F8: variants seen among roughly 807,000 people sequenced by gnomAD.
The protein encoded by F8 is coagulation factor VIII.
Under a neutral mutation model 140.6 loss-of-function variants are expected in F8, and 12 were observed. That is an observed-to-expected ratio of 0.09 (90% confidence interval 0.05 to 0.14). The LOEUF is 0.14. Among genes scored for constraint, F8 ranks in the 10% least tolerant of loss-of-function variants. The probability of loss-of-function intolerance (pLI) is 1.00; values close to 1 mark genes in which losing one functional copy is unlikely to be tolerated. For missense variants in F8, 1,354 were observed against 1,720.7 expected (o/e 0.79, Z 3.77); for synonymous variants, 585 against 614.6 (o/e 0.95, Z 0.71).
chrX:155,014,032 G>A (rs1423324958), intron 1 of F8, among the ~76,000 whole-genome samples: 1 of 111,224 alleles, frequency 9.0e-6, no homozygotes, highest in Non-Finnish European at 1.9e-5. Context: ...AATTTGGGGT[G>A]GGGGGAGGTG....
At position 154,898,369 on chromosome X, in the gene F8, T is replaced by C. The variant is rs377283783; in HGVS notation, c.6273+1497A>G. Among the ~76,000 whole-genome samples, 14 of 112,421 alleles carry C rather than the reference T, an allele frequency of 1.2e-4. No homozygotes were observed. The East Asian group carries it at 3.3e-3, about 27-fold the overall frequency. On this transcript the variant is annotated intron_variant, in intron 21 of 25. Transcript: ENST00000360256. ...AAAACCACCTTGAAGATAAGGCGAT[T>C]CAATAGTGGTAGATGATAACATAAC...
intron 7 of F8, among the ~76,000 whole-genome samples, chrX:154,967,263 A>C (rs2073430793): frequency 8.9e-6 from 1 of 111,831 alleles, no homozygotes; most frequent in South Asian, 3.8e-4. Flanking sequence ...ACATGTTCCA[A>C]GTTCATAAAA....
At chrX:154,841,211 T>C (rs1433453896) in intron 25 of F8, among the ~76,000 whole-genome samples, 26 of 97,977 alleles carry the variant, frequency 2.7e-4, no homozygotes, top group African/African-American at 7.1e-4. Flanking sequence ...CTTTCTTCTT[T>C]TTTTTTTTTT....
At chrX:154,852,895 A>G (rs1557272240) in intron 25 of F8, among the ~76,000 whole-genome samples, 1 of 111,985 alleles carries the variant, frequency 8.9e-6, no homozygotes, top group African/African-American at 3.2e-5. Context: ...CAAACAAACA[A>G]ACAAAAAAAC....
intron 20 of F8, among the ~76,000 whole-genome samples, chrX:154,900,807 C>G (rs1557275881): frequency 8.9e-6 from 1 of 111,955 alleles, no homozygotes; most frequent in Admixed American, 9.5e-5. Flanking sequence ...GTTACTGCTG[C>G]TGTAGCCATA....
chrX:154,961,275 A>G (rs1557281582), intron 9 of F8, 107 bp from the exon 10 acceptor site: 2 of 505,749 alleles, frequency 4.0e-6, no homozygotes, highest in South Asian at 5.6e-5. Flanking sequence ...TCTACATTAT[A>G]GTAATTTGAG....
chrX:154,904,554 T>A (rs1557276178), intron 16 of F8, 30 bp from the exon 17 acceptor site: 3 of 1,131,030 alleles, frequency 2.7e-6, no homozygotes, highest in Non-Finnish European at 3.6e-6. Flanking sequence ...ATCCTATGAG[T>A]ATAAGCTCTC....
rs782595952 is a variant in F8, at chrX:154,880,927, G to A, written c.6429+15150C>T. 8.2e-5 allele frequency among the ~76,000 whole-genome samples: 9 copies of A among 109,646 alleles called. No homozygotes were observed. The South Asian group carries it at 1.5e-3, about 19-fold the overall frequency. ...ATCATGTCTCCAGCTAGGTTCACCA[G>A]TATGAGTAATATGTAGTGAGTGTCT... On this transcript the variant is annotated intron_variant, in intron 22 of 25. Transcript: ENST00000360256.
chrX:154,913,640 G>A (rs915565582), intron 14 of F8, among the ~76,000 whole-genome samples: 23 of 112,963 alleles, frequency 2.0e-4, no homozygotes, highest in African/African-American at 7.1e-4. Flanking sequence ...CCCCATGCAA[G>A]TCTGAAATCC....
At chrX:154,983,037 T>C (rs1557283885) in intron 6 of F8, among the ~76,000 whole-genome samples, 5 of 112,284 alleles carry the variant, frequency 4.5e-5, no homozygotes, top group Admixed American at 2.8e-4. Flanking sequence ...TTTTTGACTG[T>C]GCAGGGGGTT....
intron 6 of F8, among the ~76,000 whole-genome samples, chrX:154,980,589 T>C (rs2073512920): frequency 8.9e-6 from 1 of 112,111 alleles, no homozygotes; most frequent in Admixed American, 9.5e-5. Context: ...GTCTACACAT[T>C]GAAGAATTAG....
chrX:154,968,283 C>T (rs2073435739), intron 7 of F8, among the ~76,000 whole-genome samples: 1 of 111,474 alleles, frequency 9.0e-6, no homozygotes, highest in Admixed American at 9.5e-5. Context: ...CCTCCTCTTG[C>T]TCTCTCTCAC....
intron 6 of F8, among the ~76,000 whole-genome samples, chrX:154,970,721 C>T (rs1166930725): frequency 9.0e-6 from 1 of 111,567 alleles, no homozygotes; most frequent in African/African-American, 3.3e-5. Flanking sequence ...CTCATTTTCC[C>T]AGTTTCAAAG....
chrX:154,958,421 T>A (rs1436914641), intron 10 of F8, among the ~76,000 whole-genome samples: 2 of 111,617 alleles, frequency 1.8e-5, no homozygotes, highest in Non-Finnish European at 3.8e-5. Context: ...CCCTCTCTTC[T>A]TGCCCACTAT....
In F8 at chrX:154,931,680, G is replaced by A; in HGVS notation, c.2114-4C>T. 8.3e-7 allele frequency: 1 copy of A among 1,200,347 alleles called. No homozygotes were observed. Among genetic ancestry groups the A allele is most frequent in the Non-Finnish European group, 1.1e-6 (1 of 885,453 alleles). ...TGGCACCCCAGAATCCATAGACCTG[G>A]AGATGAGGAAGAATAAGACTCTGGT... On this transcript the variant is annotated splice_polypyrimidine_tract_variant and splice_region_variant and intron_variant, in intron 13 of 25. Transcript: ENST00000360256.
chrX:154,879,888 G>A (rs2072847137), intron 22 of F8, among the ~76,000 whole-genome samples: 1 of 111,434 alleles, frequency 9.0e-6, no homozygotes, highest in Non-Finnish European at 1.9e-5. Flanking sequence ...AGGCGTGCTT[G>A]CTTCCCCTTT....
chrX:154,999,624 G>C (rs782230805), intron 1 of F8, 24 bp from the exon 2 acceptor site: 1 of 1,192,037 alleles, frequency 8.4e-7, no homozygotes. Flanking sequence ...GGAAAAAGTC[G>C]TTCATTTTGG....
chrX:155,014,232 T>C (rs1357544934), intron 1 of F8, among the ~76,000 whole-genome samples: 2 of 112,337 alleles, frequency 1.8e-5, no homozygotes, highest in Non-Finnish European at 3.8e-5. Flanking sequence ...CAAAATCTAA[T>C]ATCAAATCTT....
chrX:154,893,140 C>T (rs376331154), intron 22 of F8, among the ~76,000 whole-genome samples: 2 of 112,035 alleles, frequency 1.8e-5, no homozygotes, highest in African/African-American at 6.5e-5. Context: ...AATCTACCTA[C>T]GACCTGGAAG....
Sources: gnomAD v4.1 joint callset for allele counts (sites outside exome capture counted in the v4.1 genomes callset) on GRCh38, gnomAD v4.1.1 for gene constraint, MANE v1.5 for transcripts, NCBI Gene and HGNC (gene_info 2026-07-23, HGNC 2026-07-21) for gene names.